The following CDH18 variants were observed in gnomAD, a reference collection of about 807,000 sequenced individuals.
CDH18 encodes cadherin-18.
In CDH18, 31 loss-of-function variants were observed where a neutral mutation model predicts 67.9. The ratio of observed to expected loss-of-function variants is 0.46; its 90% CI spans 0.34 to 0.62. The LOEUF (loss-of-function observed/expected upper bound fraction) is 0.62. Ranked by LOEUF, CDH18 falls within the 20% of genes least tolerant of loss-of-function variation. CDH18 has a pLI of 0.01. For missense variants in CDH18, 890 were observed against 975.5 expected (o/e 0.91, Z 1.17); for synonymous variants, 362 against 347.2 (o/e 1.04, Z -0.48).
chr5:19,772,280 G>A (rs1773817038), intron 3 of CDH18, among the ~76,000 whole-genome samples: 1 of 152,082 alleles, frequency 6.6e-6, no homozygotes, highest in South Asian at 2.1e-4. Context: ...AATAGGCTTT[G>A]CTGATGTGAG....
intron 3 of CDH18, among the ~76,000 whole-genome samples, chr5:19,834,374 T>G (rs1781385111): frequency 6.6e-6 from 1 of 151,960 alleles, no homozygotes; most frequent in African/African-American, 2.4e-5. Flanking sequence ...TGGTGATATC[T>G]CCTTTATCAT....
intron 2 of CDH18, among the ~76,000 whole-genome samples, chr5:19,894,635 G>A (rs1439035212): frequency 2.0e-5 from 3 of 152,138 alleles, no homozygotes; most frequent in East Asian, 3.9e-4. Context: ...GAAACCATAT[G>A]TGCATTGTGA....
At chr5:20,490,487 G>T (rs73764427) in intron 1 of CDH18, among the ~76,000 whole-genome samples, 3,049 of 152,142 alleles carry the variant, frequency 0.02, 59 homozygotes, top group African/African-American at 0.049. Context: ...CTATTAGAAG[G>T]CTTCATTAGG....
chr5:20,442,428 G>C (rs1749674321), intron 1 of CDH18, among the ~76,000 whole-genome samples: 1 of 151,850 alleles, frequency 6.6e-6, no homozygotes, highest in Non-Finnish European at 1.5e-5. Context: ...TTTCTTGGAT[G>C]GAAGATGCTG....
intron 2 of CDH18, among the ~76,000 whole-genome samples, chr5:19,840,288 G>GAAAAAAAAAAAAAAAAA (rs70954608): frequency 7.8e-6 from 1 of 128,056 alleles, no homozygotes; most frequent in Non-Finnish European, 1.6e-5. Flanking sequence ...AAAAAAAAAA[G>GAAAAAAAAAAAAAAAAA]AAAAAAAAAA....
intron 1 of CDH18, among the ~76,000 whole-genome samples, chr5:20,345,134 G>A (rs1364008123): frequency 6.6e-6 from 1 of 152,090 alleles, no homozygotes; most frequent in East Asian, 1.9e-4. Context: ...CATTTTTACA[G>A]GGAGACTTTC....
chr5:19,948,912 T>C (rs1795523194), intron 2 of CDH18, among the ~76,000 whole-genome samples: 1 of 152,156 alleles, frequency 6.6e-6, no homozygotes, highest in African/African-American at 2.4e-5. Context: ...GGAAAGCTAG[T>C]GTATTAGGAA....
chr5:20,305,612 C>T (rs888669575), intron 1 of CDH18: 2 of 499,146 alleles, frequency 4.0e-6, no homozygotes, highest in Admixed American at 3.4e-5. Flanking sequence ...ACTTGGTGCT[C>T]GGCAAACCCA....
intron 5 of CDH18, among the ~76,000 whole-genome samples, chr5:19,696,856 A>G (rs1419781492): frequency 6.6e-6 from 1 of 152,192 alleles, no homozygotes. Context: ...CTGGAGAAAT[A>G]TGATAGGCAT....
At chr5:20,097,507 T>C (rs1162739394) in intron 2 of CDH18, among the ~76,000 whole-genome samples, 1 of 152,110 alleles carries the variant, frequency 6.6e-6, no homozygotes, top group Non-Finnish European at 1.5e-5. Context: ...TACCTTCCAC[T>C]GGGTCCTTCA....
intron 2 of CDH18, among the ~76,000 whole-genome samples, chr5:19,980,258 G>C (rs994591390): frequency 6.6e-6 from 1 of 152,042 alleles, no homozygotes; most frequent in African/African-American, 2.4e-5. Flanking sequence ...GGAGGTGAAA[G>C]ACCTCTACAA....
intron 1 of CDH18, among the ~76,000 whole-genome samples, chr5:20,478,304 G>A (rs1352726780): frequency 6.6e-6 from 1 of 152,090 alleles, no homozygotes; most frequent in Non-Finnish European, 1.5e-5. Flanking sequence ...GGCTCCTGGG[G>A]TCCCCAATTC....
chr5:20,550,483 C>G (rs1363442264), intron 1 of CDH18, among the ~76,000 whole-genome samples: 1 of 152,120 alleles, frequency 6.6e-6, no homozygotes, highest in East Asian at 1.9e-4. Flanking sequence ...CTTTTCTTCT[C>G]TAAATCTGGA....
At chr5:19,711,972 C>G (rs1764762801) in intron 5 of CDH18, among the ~76,000 whole-genome samples, 1 of 152,058 alleles carries the variant, frequency 6.6e-6, no homozygotes, top group Admixed American at 6.6e-5. Flanking sequence ...GAATATTACT[C>G]AGCAATTAAA....
chr5:19,724,949 C>T (rs1007718970), intron 4 of CDH18, among the ~76,000 whole-genome samples: 10 of 137,084 alleles, frequency 7.3e-5, no homozygotes, highest in South Asian at 7.0e-4. Flanking sequence ...TTTTTTGAGA[C>T]GGAGTCTCCT....
At chr5:19,558,065 A>T (rs1256821080) in intron 8 of CDH18, among the ~76,000 whole-genome samples, 1 of 152,140 alleles carries the variant, frequency 6.6e-6, no homozygotes, top group Non-Finnish European at 1.5e-5. Context: ...CAATGAAATG[A>T]AAATGGAAAT....
At chr5:20,532,266 T>A (rs935705477) in intron 1 of CDH18, among the ~76,000 whole-genome samples, 2 of 152,130 alleles carry the variant, frequency 1.3e-5, no homozygotes, top group Non-Finnish European at 2.9e-5. Context: ...AGATTTTAGA[T>A]CCTGTTTATT....
chr5:20,242,984 A>C (rs1743104025), intron 2 of CDH18, among the ~76,000 whole-genome samples: 1 of 152,158 alleles, frequency 6.6e-6, no homozygotes, highest in African/African-American at 2.4e-5. Flanking sequence ...TAAATCTTAC[A>C]ATGGTTCAAA....
intron 2 of CDH18, among the ~76,000 whole-genome samples, chr5:20,190,685 A>G (rs189238525): frequency 2.0e-5 from 3 of 152,202 alleles, no homozygotes; most frequent in East Asian, 1.9e-4. Flanking sequence ...GTATATGTAA[A>G]TGAATAGAAA....
Sources: gnomAD v4.1 joint callset for allele counts (sites outside exome capture counted in the v4.1 genomes callset) on GRCh38, gnomAD v4.1.1 for gene constraint, MANE v1.5 for transcripts, NCBI Gene and HGNC (gene_info 2026-07-23, HGNC 2026-07-21) for gene names.